The following CUX1 variants were observed in gnomAD, a reference collection of about 807,000 sequenced individuals.
CUX1 encodes the protein protein CASP.
A neutral mutation model predicts 158.8 loss-of-function variants in CUX1; 31 were observed. The observed-to-expected ratio is 0.20, with a 90% CI of 0.15 to 0.26. The LOEUF is 0.26. Among genes scored for constraint, CUX1 ranks in the 10% least tolerant of loss-of-function variants. The probability of loss-of-function intolerance (pLI) is 1.00; values close to 1 mark genes in which losing one functional copy is unlikely to be tolerated. For synonymous variants in CUX1, 879 were observed against 862.1 expected, an observed-to-expected ratio of 1.02 and a Z score of -0.34; for missense variants, 1,589 against 2,014.6, an observed-to-expected ratio of 0.79 and a Z score of 4.04.
At chr7:101,963,423 C>T (rs1810756336) in intron 2 of CUX1, among the ~76,000 whole-genome samples, 1 of 152,160 alleles carries the variant, frequency 6.6e-6, no homozygotes, top group Non-Finnish European at 1.5e-5. Context: ...CCCCGGGCTG[C>T]ACCCAGCAGT....
intron 4 of CUX1, among the ~76,000 whole-genome samples, chr7:102,092,254 T>G (rs1828653697): frequency 6.6e-6 from 1 of 152,210 alleles, no homozygotes; most frequent in South Asian, 2.1e-4. Flanking sequence ...CTGTTCTGCC[T>G]CTCCTTCCCT....
intron 10 of CUX1, among the ~76,000 whole-genome samples, chr7:102,172,457 C>T (rs781933415): frequency 2.6e-5 from 4 of 151,782 alleles, no homozygotes; most frequent in Non-Finnish European, 5.9e-5. Flanking sequence ...AAGCGATCCT[C>T]CTGCCTCAGC....
At chr7:102,123,623 A>T (rs1832300931) in intron 8 of CUX1, among the ~76,000 whole-genome samples, 1 of 151,744 alleles carries the variant, frequency 6.6e-6, no homozygotes. Context: ...AAAAAAAAAA[A>T]AAAATTATCA....
intron 18 of CUX1, among the ~76,000 whole-genome samples, chr7:102,278,650 A>G (rs1344584711): frequency 5.1e-4 from 21 of 41,506 alleles, no homozygotes; most frequent in African/African-American, 1.3e-3. Flanking sequence ...AAAATAAAAT[A>G]AAATAAAAAA....
At chr7:102,024,404 G>T (rs1438814390) in intron 2 of CUX1, among the ~76,000 whole-genome samples, 4 of 152,162 alleles carry the variant, frequency 2.6e-5, no homozygotes, top group Non-Finnish European at 5.9e-5. Context: ...TCAGCTCACT[G>T]CAGCCTCTGC....
At position 102,257,624 on chromosome 7, in the gene CUX1, G is replaced by C; in HGVS notation, c.*8582G>C. On this transcript the variant is annotated 3_prime_UTR_variant, in exon 24 of 24. Transcript: ENST00000292535. ...TTGCCTTGAGAGCGGGTAGCACCAC[G>C]CTCCTGTCCAGACTACTAACAGCAC... 2 of 985,314 alleles carry C rather than the reference G, an allele frequency of 2.0e-6. No homozygotes were observed. The highest frequency in any genetic ancestry group is 2.4e-6 in the Non-Finnish European group (2 of 829,922). 61.0% of individuals were successfully genotyped at this position (985,314 alleles called of 1,614,324 possible).
chr7:102,027,178 A>T (rs955724959), intron 2 of CUX1, among the ~76,000 whole-genome samples: 1 of 152,104 alleles, frequency 6.6e-6, no homozygotes, highest in African/African-American at 2.4e-5. Flanking sequence ...TGAGATTAGG[A>T]GTTCCAGACC....
At chr7:102,240,650 T>C (rs914027000) in intron 23 of CUX1, among the ~76,000 whole-genome samples, 1 of 152,306 alleles carries the variant, frequency 6.6e-6, no homozygotes, top group Admixed American at 6.5e-5. Flanking sequence ...TGTAATTAAA[T>C]AAATGAAGTC....
intron 1 of CUX1, among the ~76,000 whole-genome samples, chr7:101,865,906 G>A (rs1156264580): frequency 1.3e-5 from 2 of 152,150 alleles, no homozygotes; most frequent in African/African-American, 4.8e-5. Context: ...CCTTGGCAAC[G>A]CAGGCGACCT....
At chr7:101,927,917 T>A (rs1157883063) in intron 2 of CUX1, among the ~76,000 whole-genome samples, 1 of 152,190 alleles carries the variant, frequency 6.6e-6, no homozygotes, top group Non-Finnish European at 1.5e-5. Flanking sequence ...GGCCCTGCTT[T>A]CCTTCCGGGA....
rs11462111 is a variant in CUX1 at position 101,956,138 on chromosome 7, CAAAAAAAAAA to C, written c.141+39929_141+39938del. Among the ~76,000 whole-genome samples the C allele has an allele frequency of 4.6e-5, 3 of 64,978 alleles. No homozygotes were observed. The South Asian group carries it at 2.3e-3, about 50-fold the overall frequency. 42.6% of individuals were successfully genotyped at this position (64,978 alleles called of 152,430 possible). A position where few individuals can be genotyped will look rare whatever the true frequency, so the allele number is the denominator to read the frequency against. ...TGGAGCTTGCAGTGAGCCCACGTCT[CAAAAAAAAAA>C]AAAAAAAAAAAAAAAGGAGGCAGCT... On this transcript the variant is annotated intron_variant, in intron 2 of 23. Coordinates refer to ENST00000292535, the MANE Select transcript of CUX1 (RefSeq NM_181552.4).
intron 9 of CUX1, among the ~76,000 whole-genome samples, chr7:102,166,330 C>T (rs1347100774): frequency 6.6e-6 from 1 of 152,146 alleles, no homozygotes; most frequent in Non-Finnish European, 1.5e-5. Context: ...CAGGACAGTG[C>T]TCAGGCTTGG....
intron 1 of CUX1, among the ~76,000 whole-genome samples, chr7:101,904,149 C>T (rs1434583908): frequency 1.3e-5 from 2 of 151,390 alleles, no homozygotes; most frequent in South Asian, 2.1e-4. Flanking sequence ...CACACACACA[C>T]ATTAGCTGGA....
intron 2 of CUX1, among the ~76,000 whole-genome samples, chr7:101,995,851 G>A (rs982751076): frequency 8.6e-5 from 13 of 151,960 alleles, no homozygotes; most frequent in African/African-American, 2.7e-4. Flanking sequence ...GGTGGCTCAC[G>A]ACAGTCCTCC....
intron 2 of CUX1, among the ~76,000 whole-genome samples, chr7:102,023,431 A>G (rs902660797): frequency 6.6e-6 from 1 of 152,182 alleles, no homozygotes; most frequent in African/African-American, 2.4e-5. Flanking sequence ...AAATCGTATC[A>G]TGTCCTTGCT....
chr7:102,038,335 T>C (rs2129637574), intron 3 of CUX1, among the ~76,000 whole-genome samples: 1 of 152,254 alleles, frequency 6.6e-6, no homozygotes, highest in Non-Finnish European at 1.5e-5. Context: ...TAATTAACAA[T>C]GTTCACAAGA....
chr7:102,256,433 A>G lies in CUX1; in HGVS notation c.*7391A>G. The G allele has an allele frequency of 1.0e-6, 1 of 985,334 alleles. No individual in the cohort carries two copies. The highest frequency in any genetic ancestry group is 5.2e-4 in the Middle Eastern group (1 of 1,914). 61.0% of individuals were successfully genotyped at this position (985,334 alleles called of 1,614,324 possible). A position where few individuals can be genotyped will look rare whatever the true frequency, so the allele number is the denominator to read the frequency against. On this transcript the variant is annotated 3_prime_UTR_variant, in exon 24 of 24. Transcript: ENST00000292535. ...CATAAATGCTTTTTGCTGTCACTCT[A>G]GTGGTTACTATCCTCTGCCTTCCTC...
intron 1 of CUX1, among the ~76,000 whole-genome samples, chr7:101,900,235 G>T (rs1248298479): frequency 6.6e-6 from 1 of 152,172 alleles, no homozygotes. Context: ...CTTTAAAATC[G>T]CATCTCCGCT....
intron 4 of CUX1, among the ~76,000 whole-genome samples, chr7:102,083,147 T>C (rs918692083): frequency 2.0e-5 from 3 of 147,494 alleles, no homozygotes; most frequent in Non-Finnish European, 3.1e-5. Flanking sequence ...CCATGTCTTC[T>C]GTTTCATCGG....
Sources: allele counts gnomAD v4.1 joint callset (sites outside exome capture counted in the v4.1 genomes callset), GRCh38; gene constraint gnomAD v4.1.1; transcripts MANE v1.5; gene names NCBI Gene and HGNC (gene_info 2026-07-23, HGNC 2026-07-21).